Variants in PCTP observed in about 807,000 individuals in gnomAD.
The protein encoded by PCTP is phosphatidylcholine transfer protein.
A neutral mutation model predicts 31.0 loss-of-function variants in PCTP; 27 were observed. The observed-to-expected ratio is 0.87, with a 90% CI of 0.64 to 1.20. PCTP has a LOEUF of 1.20. PCTP is among the 50% of genes most tolerant of loss of function. PCTP has a pLI of 0.00. For missense variants in PCTP, 287 were observed against 268.2 expected, an observed-to-expected ratio of 1.07 and a Z score of -0.49; for synonymous variants, 108 against 101.2, an observed-to-expected ratio of 1.07 and a Z score of -0.40.
Position 55,776,894 on chromosome 17 carries a change from G to A in PCTP, c.*794G>A. The A allele has an allele frequency of 1.0e-6, 1 of 992,096 alleles. No homozygotes were observed. Among genetic ancestry groups the A allele is most frequent in the Non-Finnish European group, 1.2e-6 (1 of 834,724 alleles). The allele number at this position is 992,096 out of a possible 1,614,324, so 61.5% of individuals were successfully genotyped here. A position where few individuals can be genotyped will look rare whatever the true frequency, so the allele number is the denominator to read the frequency against. On this transcript the variant is annotated 3_prime_UTR_variant, in exon 6 of 6. Coordinates refer to ENST00000268896, the MANE Select transcript of PCTP (RefSeq NM_021213.4). ...CAAGCTTTGCATTTTACTGGAAACT[G>A]AGGCGTCAAGATGGCTGTGGCAGCT... is the stretch of plus-strand genomic sequence containing the variant.
Position 55,777,094 on chromosome 17 carries a change from A to C in PCTP, c.*994A>C, listed in dbSNP as rs1911376159. 1.0e-6 allele frequency: 1 copy of C among 985,880 alleles called. No individual in the cohort carries two copies. The highest frequency in any genetic ancestry group is 1.2e-6 in the Non-Finnish European group (1 of 829,932). The allele number at this position is 985,880 out of a possible 1,614,324, so 61.1% of individuals were successfully genotyped here. ...ACCTTTTTCTCAGGAATTCTGCCTA[A>C]GTTGTCTGCCTTTTCTACCACCAAA... On this transcript the variant is annotated 3_prime_UTR_variant, in exon 6 of 6. Transcript: ENST00000268896.
the PCTP span, among the ~76,000 whole-genome samples, chr17:55,851,847 G>A: frequency 1.4e-4 from 22 of 152,076 alleles, 1 homozygote; most frequent in Middle Eastern, 3.2e-3. Context: ...TTTTAAAAGA[G>A]GTAAAATGGA....
At chr17:55,786,700 A>G (rs1301675997) in intron 2 of PCTP, among the ~76,000 whole-genome samples, 2 of 152,100 alleles carry the variant, frequency 1.3e-5, no homozygotes, top group South Asian at 2.1e-4. Context: ...CTTTTGTGCA[A>G]TAGGCTTTTC....
At position 55,767,416 on chromosome 17, in the gene PCTP, T is replaced by G; in HGVS notation, c.223T>G (p.Ser75Ala). 1 of 1,612,534 alleles carries G rather than the reference T, an allele frequency of 6.2e-7. No individual in the cohort carries two copies. Among genetic ancestry groups the G allele is most frequent in the South Asian group, 1.1e-5 (1 of 91,040 alleles). The part of the protein sequence containing the change: ...PTLLADIYMD[S>A]DYRKQWDQYV... ...TCTACTGGCAGACATCTATATGGAC[T>G]CAGATTACAGAAAACAATGGGACCA... Residue 75 changes from serine to alanine, a missense_variant, in exon 2 of 6, where the codon TCA (serine) becomes GCA (alanine). Coordinates refer to ENST00000268896, the MANE Select transcript of PCTP (RefSeq NM_021213.4).
intron 3 of PCTP, among the ~76,000 whole-genome samples, chr17:55,792,427 T>C (rs1046140839): frequency 6.6e-6 from 1 of 151,844 alleles, no homozygotes; most frequent in Non-Finnish European, 1.5e-5. Flanking sequence ...GTAAGAAGGA[T>C]TCACACTACA....
chr17:55,827,888 G>A (rs1172974075), downstream of PCTP, among the ~76,000 whole-genome samples: 1 of 152,184 alleles, frequency 6.6e-6, no homozygotes, highest in Admixed American at 6.5e-5. Context: ...TCCCTGACGA[G>A]AAGCTTATTA....
chr17:55,804,659 A>G (rs530571798), intron 3 of PCTP, among the ~76,000 whole-genome samples: 1 of 152,174 alleles, frequency 6.6e-6, no homozygotes, highest in Non-Finnish European at 1.5e-5. Flanking sequence ...TGGGAGTTGA[A>G]CAATGAGAAC....
chr17:55,797,107 G>A (rs187528172), intron 3 of PCTP, among the ~76,000 whole-genome samples: 8 of 152,012 alleles, frequency 5.3e-5, no homozygotes, highest in Admixed American at 3.9e-4. Flanking sequence ...TGAGAAAAAC[G>A]TAAAATTCGA....
the PCTP span, among the ~76,000 whole-genome samples, chr17:55,849,656 G>A: frequency 2.8e-4 from 43 of 151,978 alleles, no homozygotes; most frequent in African/African-American, 8.9e-4. Flanking sequence ...ATAAAAAATA[G>A]CACTAATTCT....
At position 55,785,453 on chromosome 17, in the gene PCTP, A is replaced by G. The variant is rs182331718; in HGVS notation, c.229-2113A>G. ...CTAAGCCAGAGGACTTAGCTAAGCC[A>G]AGACACACTGGAACTGCAAGATAAT... is the stretch of plus-strand genomic sequence containing the variant. On this transcript the variant is annotated intron_variant, in intron 2 of 3. Transcript: ENST00000572536. 1.6e-3 allele frequency among the ~76,000 whole-genome samples: 246 copies of G among 152,368 alleles called. 3 individuals are homozygous for G. The Middle Eastern group carries it at 0.02, about 13-fold the overall frequency.
intron 5 of PCTP, among the ~76,000 whole-genome samples, chr17:55,836,459 G>A (rs376612125): frequency 6.6e-6 from 1 of 152,166 alleles, no homozygotes; most frequent in South Asian, 2.1e-4. Context: ...GTGAGGTGAA[G>A]GGTCTTCTCT....
intron 3 of PCTP, among the ~76,000 whole-genome samples, chr17:55,772,586 A>AG (rs1911074146): frequency 6.6e-6 from 1 of 151,874 alleles, no homozygotes; most frequent in African/African-American, 2.4e-5. Context: ...CTCAAAAAAA[A>AG]AAAAAAAAAA....
At chr17:55,786,384 A>C (rs1911746042) in intron 2 of PCTP, among the ~76,000 whole-genome samples, 1 of 152,238 alleles carries the variant, frequency 6.6e-6, no homozygotes, top group Admixed American at 6.5e-5. Flanking sequence ...AATTATTTGA[A>C]AAGATACCTA....
intron 1 of PCTP, among the ~76,000 whole-genome samples, chr17:55,762,094 C>T (rs754842814): frequency 1.2e-4 from 18 of 152,020 alleles, no homozygotes; most frequent in East Asian, 3.9e-4. Flanking sequence ...GAACCATATG[C>T]GGGGATGTGG....
At chr17:55,820,924 T>C (rs1913093883) in intron 3 of PCTP, among the ~76,000 whole-genome samples, 1 of 152,184 alleles carries the variant, frequency 6.6e-6, no homozygotes, top group African/African-American at 2.4e-5. Context: ...CATACACTGC[T>C]AAAAGGAATG....
intron 3 of PCTP, among the ~76,000 whole-genome samples, chr17:55,807,794 G>C (rs1376437064): frequency 6.6e-6 from 1 of 152,082 alleles, no homozygotes; most frequent in African/African-American, 2.4e-5. Context: ...GACTACCATG[G>C]AATTCACAAT....
At chr17:55,775,568 A>AT in intron 5 of PCTP, 1 of 1,159,532 alleles carries the variant, frequency 8.6e-7, no homozygotes, top group Non-Finnish European at 1.1e-6. Context: ...CTTCTACTGC[A>AT]TAGAGGGGGA....
chr17:55,823,343 A>C (rs1034111719), downstream of PCTP, among the ~76,000 whole-genome samples: 3 of 152,234 alleles, frequency 2.0e-5, no homozygotes, highest in Non-Finnish European at 4.4e-5. Flanking sequence ...CATTGACAGA[A>C]TATTCTACAC....
rs1911699742 is a variant in PCTP, at chr17:55,785,045, T to G, written c.229-2521T>G. 3.9e-5 allele frequency among the ~76,000 whole-genome samples: 6 copies of G among 152,242 alleles called. No homozygotes were observed. In the South Asian group the frequency reaches 1.2e-3, roughly 31 times the overall value. On this transcript the variant is annotated intron_variant, in intron 2 of 3. Coordinates refer to the PCTP transcript ENST00000572536. ...CCACATCTGTATATTCACTTCTTTGTGTAATGCCCTCCTCTGTATGTGGAG... is the reference window on the plus strand; with the variant it reads ...CCACATCTGTATATTCACTTCTTTGGGTAATGCCCTCCTCTGTATGTGGAG...
Sources: gnomAD v4.1 joint callset for allele counts (sites outside exome capture counted in the v4.1 genomes callset) on GRCh38, gnomAD v4.1.1 for gene constraint, MANE v1.5 for transcripts, NCBI Gene and HGNC (gene_info 2026-07-23, HGNC 2026-07-21) for gene names.